Variants in NPAS3 observed in about 807,000 individuals in gnomAD.
NPAS3 encodes the protein neuronal PAS domain-containing protein 3.
In NPAS3, 14 loss-of-function variants were observed where a neutral mutation model predicts 73.1. The observed-to-expected ratio is 0.19, with a 90% CI of 0.13 to 0.30. NPAS3 has a LOEUF of 0.30. NPAS3 is among the 10% of genes least tolerant of loss of function. NPAS3 has a pLI of 1.00. For missense variants in NPAS3, 1,096 were observed against 1,250.0 expected, an observed-to-expected ratio of 0.88 and a Z score of 1.86; for synonymous variants, 620 against 541.5, an observed-to-expected ratio of 1.14 and a Z score of -2.01.
At chr14:33,787,461 G>A (rs959672015) in intron 9 of NPAS3, among the ~76,000 whole-genome samples, 15 of 151,712 alleles carry the variant, frequency 9.9e-5, no homozygotes, top group Admixed American at 7.2e-4. Context: ...TGTCATTAGC[G>A]TATTAGGGGG....
intron 4 of NPAS3, among the ~76,000 whole-genome samples, chr14:33,418,031 G>A (rs1183472964): frequency 7.1e-6 from 1 of 141,346 alleles, no homozygotes; most frequent in Non-Finnish European, 1.5e-5. Context: ...AAAAGATAAT[G>A]AACAAAAGCA....
At chr14:33,364,048 C>T (rs187791069) in intron 3 of NPAS3, among the ~76,000 whole-genome samples, 1 of 151,998 alleles carries the variant, frequency 6.6e-6, no homozygotes, top group East Asian at 1.9e-4. Flanking sequence ...GTCAGTAGAT[C>T]AGATGAAACT....
chr14:33,201,492 G>A (rs2046614739), intron 2 of NPAS3, among the ~76,000 whole-genome samples: 1 of 152,140 alleles, frequency 6.6e-6, no homozygotes, highest in East Asian at 1.9e-4. Flanking sequence ...TAACTCAAAA[G>A]GACACCTTGA....
intron 2 of NPAS3, among the ~76,000 whole-genome samples, chr14:33,162,768 A>C (rs1176216631): frequency 6.6e-6 from 1 of 152,182 alleles, no homozygotes; most frequent in Admixed American, 6.5e-5. Flanking sequence ...CTGTGGTGGC[A>C]GATGGTATTA....
rs538895297 is a variant in NPAS3, at chr14:33,800,059, C to T, written c.1752C>T (p.Asp584=). Residue 584 remains aspartate, a synonymous_variant, in exon 12 of 12, where the codon GAC becomes GAT. Coordinates refer to ENST00000356141, the Ensembl canonical transcript of NPAS3. This position sits in a 1 kb window ranked among gnomAD's most constrained non-coding sequence, Gnocchi z 6.5. The stretch of plus-strand genomic sequence containing the variant: ...CGTCCGACAGCGCCAAGGACTCGGA[C>T]AGCGCAGGCGAGGCGGGCGCGCAGG... 38 of 1,605,452 alleles carry T rather than the reference C, an allele frequency of 2.4e-5. No homozygotes were observed. The South Asian group carries it at 3.6e-4, about 15-fold the overall frequency.
upstream of NPAS3, among the ~76,000 whole-genome samples, chr14:32,938,546 G>C (rs866436249): frequency 1.2e-4 from 15 of 127,286 alleles, no homozygotes; most frequent in African/African-American, 4.9e-4. Flanking sequence ...GTGTGTGTCT[G>C]CGTACGAGAG....
intron 2 of NPAS3, among the ~76,000 whole-genome samples, chr14:33,153,289 A>G (rs758979278): frequency 6.6e-6 from 1 of 151,100 alleles, no homozygotes; most frequent in Non-Finnish European, 1.5e-5. Context: ...TTGATTGTCT[A>G]TTTATGGTTA....
intron 3 of NPAS3, among the ~76,000 whole-genome samples, chr14:33,321,143 G>A (rs904759031): frequency 1.6e-4 from 25 of 151,608 alleles, no homozygotes; most frequent in African/African-American, 5.6e-4. Context: ...CTTCCTACCA[G>A]ACATCAGTCT....
chr14:33,146,563 T>C (rs899382766), intron 2 of NPAS3, among the ~76,000 whole-genome samples: 7 of 152,198 alleles, frequency 4.6e-5, no homozygotes, highest in African/African-American at 1.7e-4. Context: ...ACACAATCCC[T>C]GCTCTCAAGG....
intron 2 of NPAS3, among the ~76,000 whole-genome samples, chr14:33,102,270 T>C (rs934226782): frequency 2.0e-5 from 3 of 152,112 alleles, no homozygotes; most frequent in Admixed American, 2.0e-4. Flanking sequence ...TAAGGATTGA[T>C]TTTGAATAGA....
intron 5 of NPAS3, among the ~76,000 whole-genome samples, chr14:33,617,360 G>A (rs1567058224): frequency 6.6e-6 from 1 of 152,162 alleles, no homozygotes; most frequent in Non-Finnish European, 1.5e-5. Flanking sequence ...TGAAGGCCAT[G>A]GGATGAACTC....
intron 7 of NPAS3, among the ~76,000 whole-genome samples, chr14:33,772,323 G>C (rs902523015): frequency 1.3e-5 from 2 of 152,028 alleles, no homozygotes; most frequent in African/African-American, 4.8e-5. Flanking sequence ...ACCCAACTTT[G>C]ACCCCCTTCA....
intron 6 of NPAS3, among the ~76,000 whole-genome samples, chr14:33,719,635 A>G (rs1404443359): frequency 2.0e-5 from 3 of 152,208 alleles, no homozygotes; most frequent in African/African-American, 7.2e-5. Flanking sequence ...TAAGGAGATT[A>G]AAACAAAATG....
chr14:32,955,790 A>G (rs1389348950), intron 1 of NPAS3, among the ~76,000 whole-genome samples: 1 of 152,156 alleles, frequency 6.6e-6, no homozygotes, highest in Non-Finnish European at 1.5e-5. Flanking sequence ...TCTGTCAAAA[A>G]TCTACAAGCA....
intron 5 of NPAS3, among the ~76,000 whole-genome samples, chr14:33,629,271 T>C (rs2058312431): frequency 6.6e-6 from 1 of 151,622 alleles, no homozygotes; most frequent in Non-Finnish European, 1.5e-5. Flanking sequence ...TGGATCTCTC[T>C]AAGGAATTCT....
intron 4 of NPAS3, among the ~76,000 whole-genome samples, chr14:33,381,013 T>G (rs1025658600): frequency 2.0e-4 from 31 of 152,192 alleles, no homozygotes; most frequent in African/African-American, 7.2e-4. Context: ...TTTTTTTTTT[T>G]GTAAGTGGGA....
intron 2 of NPAS3, among the ~76,000 whole-genome samples, chr14:33,069,108 A>G (rs907160774): frequency 3.9e-5 from 6 of 152,224 alleles, no homozygotes; most frequent in African/African-American, 1.4e-4. Context: ...GACTTAGCTC[A>G]GAGGCTATCA....
chr14:33,116,978 C>T (rs1456758804), intron 2 of NPAS3, among the ~76,000 whole-genome samples: 1 of 152,050 alleles, frequency 6.6e-6, no homozygotes, highest in East Asian at 1.9e-4. Flanking sequence ...TAGGCCATTG[C>T]TTTGTAACAG....
chr14:33,691,127 G>A (rs972057199), intron 6 of NPAS3, among the ~76,000 whole-genome samples: 3 of 152,212 alleles, frequency 2.0e-5, no homozygotes, highest in Non-Finnish European at 2.9e-5. Context: ...TCAGACAGTT[G>A]TCAATCTGGG....
Sources: gnomAD v4.1 joint callset for allele counts (sites outside exome capture counted in the v4.1 genomes callset) on GRCh38, gnomAD v4.1.1 for gene constraint, Gnocchi (gnomAD v3.1) non-coding constraint, MANE v1.5 for transcripts, NCBI Gene and HGNC (gene_info 2026-07-23, HGNC 2026-07-21) for gene names.